Variants in PPM1B observed in about 807,000 individuals in gnomAD.
PPM1B encodes the protein protein phosphatase 1B.
PPM1B carries 22 observed loss-of-function variants against 43.0 expected under a neutral mutation model. That is an observed-to-expected ratio of 0.51 (90% confidence interval 0.37 to 0.73). PPM1B has a LOEUF of 0.73. PPM1B is among the 30% of genes least tolerant of loss of function. The pLI, the probability that PPM1B is intolerant of heterozygous loss-of-function variation, is 0.00. For synonymous variants in PPM1B, 217 were observed against 197.9 expected, an observed-to-expected ratio of 1.10 and a Z score of -0.81; for missense variants, 632 against 584.2, an observed-to-expected ratio of 1.08 and a Z score of -0.84.
downstream of PPM1B, among the ~76,000 whole-genome samples, chr2:44,236,427 A>AAAAAAAAAAAAAAT (rs1670615825): frequency 6.7e-6 from 1 of 148,426 alleles, no homozygotes; most frequent in South Asian, 2.1e-4. Context: ...AAAAAAAAAA[A>AAAAAAAAAAAAAAT]GTTGTAATGA....
chr2:44,241,857 C>CTTTTTTTTTTTTTTTTTTT (rs397984437), intron 5 of PPM1B, among the ~76,000 whole-genome samples: 3 of 90,950 alleles, frequency 3.3e-5, no homozygotes, highest in Admixed American at 1.8e-4. Context: ...AGAAAATAAT[C>CTTTTTTTTTTTTTTTTTTT]TTTTTTTTTT....
intron 3 of PPM1B, among the ~76,000 whole-genome samples, chr2:44,217,653 A>G (rs895690500): frequency 2.0e-5 from 3 of 152,202 alleles, no homozygotes; most frequent in African/African-American, 4.8e-5. Flanking sequence ...ATTTCACTCA[A>G]TGGCTACACC....
At chr2:44,182,802 C>G (rs1379424499) in intron 1 of PPM1B, among the ~76,000 whole-genome samples, 2 of 151,952 alleles carry the variant, frequency 1.3e-5, no homozygotes, top group East Asian at 3.9e-4. Flanking sequence ...TGATGTTTTC[C>G]TGAACTTTTA....
chr2:44,205,336 G>GCTGTGGGTGTGT (rs1669128567), intron 2 of PPM1B, among the ~76,000 whole-genome samples: 2 of 15,220 alleles, frequency 1.3e-4, no homozygotes, highest in African/African-American at 3.3e-4. Flanking sequence ...AAGAAGAGTG[G>GCTGTGGGTGTGT]GTGTGGGTGT....
intron 1 of PPM1B, among the ~76,000 whole-genome samples, chr2:44,170,920 G>C (rs904101580): frequency 4.6e-5 from 7 of 152,028 alleles, no homozygotes; most frequent in Admixed American, 3.9e-4. Context: ...TCTTTATTTT[G>C]TGCTTCTTCT....
intron 2 of PPM1B, among the ~76,000 whole-genome samples, chr2:44,205,902 A>T (rs923829930): frequency 2.0e-5 from 3 of 152,206 alleles, no homozygotes; most frequent in African/African-American, 7.2e-5. Context: ...CCCCCTCAAT[A>T]ATTGTTTAGT....
intron 5 of PPM1B, among the ~76,000 whole-genome samples, chr2:44,242,416 G>T (rs1041410922): frequency 6.6e-6 from 1 of 152,122 alleles, no homozygotes; most frequent in Non-Finnish European, 1.5e-5. Context: ...AGGTAAAGAT[G>T]TCAAAATGTG....
At chr2:44,211,029 C>A (rs141085081) in intron 3 of PPM1B, among the ~76,000 whole-genome samples, 1 of 151,836 alleles carries the variant, frequency 6.6e-6, no homozygotes, top group Admixed American at 6.6e-5. Context: ...CCAGCTACTC[C>A]GGAGGCTGAG....
intron 1 of PPM1B, among the ~76,000 whole-genome samples, chr2:44,198,443 G>A (rs572519343): frequency 6.6e-6 from 1 of 152,342 alleles, no homozygotes; most frequent in East Asian, 1.9e-4. Flanking sequence ...TTACAGGCAT[G>A]AGCCACCGCA....
chr2:44,175,519 A>C (rs1257964226), intron 1 of PPM1B, among the ~76,000 whole-genome samples: 1 of 152,096 alleles, frequency 6.6e-6, no homozygotes, highest in African/African-American at 2.4e-5. Flanking sequence ...CAAAATCCCA[A>C]ATCCTTGTCG....
At chr2:44,226,259 G>A (rs979175285) in intron 5 of PPM1B, among the ~76,000 whole-genome samples, 4 of 152,090 alleles carry the variant, frequency 2.6e-5, no homozygotes, top group Non-Finnish European at 4.4e-5. Flanking sequence ...ACAGACCTGA[G>A]CCACTGCGCC....
At chr2:44,233,417 A>G, downstream of PPM1B, 3 of 980,926 alleles carry the variant, frequency 3.1e-6, no homozygotes, top group Non-Finnish European at 3.6e-6. Context: ...TTCTATTTTT[A>G]CAGTAACCTT....
rs182193657 is a variant in PPM1B, at chr2:44,179,775, G to A, written c.-15+10501G>A. 4.7e-3 allele frequency among the ~76,000 whole-genome samples: 711 copies of A among 152,216 alleles called. 8 individuals carry two copies. The highest frequency in any genetic ancestry group is 0.016 in the African/African-American group (674 of 41,522). ...TGTAATCCCAGCACTTTGGGAGGCC[G>A]AGGCGGGTGGATCACCTGAGGTCAG... On this transcript the variant is annotated intron_variant, in intron 1 of 5. Coordinates refer to ENST00000282412, the MANE Select transcript of PPM1B (RefSeq NM_002706.6).
At chr2:44,229,973 T>G in intron 5 of PPM1B, 1 of 1,555,274 alleles carries the variant, frequency 6.4e-7, no homozygotes, top group Non-Finnish European at 8.8e-7. Flanking sequence ...TTTTATGTTT[T>G]GTATTTCCTA....
In PPM1B at chr2:44,231,300, C is replaced by A. The variant is rs1189505429; in HGVS notation, c.*582C>A. 1 of 979,720 alleles carries A rather than the reference C, an allele frequency of 1.0e-6. No homozygotes were observed. Among genetic ancestry groups the A allele is most frequent in the Non-Finnish European group, 1.2e-6 (1 of 824,938 alleles). The allele number at this position is 979,720 out of a possible 1,614,324, so 60.7% of individuals were successfully genotyped here. ...GGATGTGTGGCTATTTTTCCTTTCT[C>A]TGTATTCTTTATGAAACATAACTTT... On this transcript the variant is annotated 3_prime_UTR_variant, in exon 6 of 6. Transcript: ENST00000282412.
chr2:44,236,955 TG>T (rs1342670972), downstream of PPM1B, among the ~76,000 whole-genome samples: 2 of 152,244 alleles, frequency 1.3e-5, no homozygotes, highest in South Asian at 2.1e-4. Flanking sequence ...CAAAGTGTGA[TG>T]TTTTTCACAT....
chr2:44,221,947 T>C (rs1414257843), intron 5 of PPM1B, among the ~76,000 whole-genome samples: 1 of 152,158 alleles, frequency 6.6e-6, no homozygotes, highest in African/African-American at 2.4e-5. Context: ...GTGTTCCATC[T>C]TCTTACCACA....
intron 5 of PPM1B, among the ~76,000 whole-genome samples, chr2:44,226,461 C>G (rs1222432428): frequency 6.6e-6 from 1 of 152,130 alleles, no homozygotes; most frequent in Middle Eastern, 3.2e-3. Context: ...ATTAATAAGT[C>G]CACCTCCAAA....
exon 6 of PPM1B, chr2:44,244,321 A>T (rs367666526): frequency 9.5e-6 from 13 of 1,361,602 alleles, no homozygotes; most frequent in Non-Finnish European, 8.8e-6. Context: ...ACTCAGAAGC[A>T]CGCGGACAAA....
Sources: gnomAD v4.1 joint callset for allele counts (sites outside exome capture counted in the v4.1 genomes callset) on GRCh38, gnomAD v4.1.1 for gene constraint, MANE v1.5 for transcripts, NCBI Gene and HGNC (gene_info 2026-07-23, HGNC 2026-07-21) for gene names.